The following HOMER2 variants were observed in gnomAD, a reference collection of about 807,000 sequenced individuals.
HOMER2 encodes homer protein homolog 2.
In HOMER2, 27 loss-of-function variants were observed where a neutral mutation model predicts 47.0. The ratio of observed to expected loss-of-function variants is 0.57; its 90% CI spans 0.42 to 0.79. The LOEUF is 0.79. HOMER2 is among the 30% of genes least tolerant of loss of function. The probability of loss-of-function intolerance (pLI) is 0.00; values close to 1 mark genes in which losing one functional copy is unlikely to be tolerated. For synonymous variants in HOMER2, 161 were observed against 163.8 expected (o/e 0.98, Z 0.13); for missense variants, 443 against 435.0 (o/e 1.02, Z -0.16).
chr15:82,942,427 T>C (rs1449915080), intron 1 of HOMER2, among the ~76,000 whole-genome samples: 1 of 152,178 alleles, frequency 6.6e-6, no homozygotes, highest in Non-Finnish European at 1.5e-5. Flanking sequence ...ACCCTGAAAC[T>C]ACTGACTAGT....
At chr15:82,938,775 ACACTCC>A (rs1288443995) in intron 1 of HOMER2, among the ~76,000 whole-genome samples, 1 of 152,050 alleles carries the variant, frequency 6.6e-6, no homozygotes, top group Non-Finnish European at 1.5e-5. Context: ...CAGTGCCCTA[ACACTCC>A]CACTCCCACA....
chr15:82,871,394 T>C (rs2052171839), intron 3 of HOMER2, among the ~76,000 whole-genome samples: 1 of 152,206 alleles, frequency 6.6e-6, no homozygotes, highest in South Asian at 2.1e-4. Context: ...CTGTGGGTGG[T>C]TGCTCTGGGA....
downstream of HOMER2, chr15:82,835,096 T>A (rs1444495749): frequency 1.3e-5 from 2 of 151,602 alleles, no homozygotes; most frequent in Non-Finnish European, 2.9e-5. Flanking sequence ...AAGTCCTGAT[T>A]GATATAGAAC....
chr15:82,848,178 T>C (rs1383297503), downstream of HOMER2, among the ~76,000 whole-genome samples: 1 of 152,144 alleles, frequency 6.6e-6, no homozygotes, highest in Non-Finnish European at 1.5e-5. Flanking sequence ...GCAGGAGGAC[T>C]CGTGTTCACC....
At chr15:82,930,648 G>A (rs990769101) in intron 1 of HOMER2, among the ~76,000 whole-genome samples, 1 of 152,240 alleles carries the variant, frequency 6.6e-6, no homozygotes, top group Non-Finnish European at 1.5e-5. Context: ...CAGTCATGTG[G>A]CAGTGGAGGG....
At chr15:82,923,698 G>A (rs74632889) in intron 1 of HOMER2, among the ~76,000 whole-genome samples, 1,984 of 152,282 alleles carry the variant, frequency 0.013, 15 homozygotes, top group Non-Finnish European at 0.019. Flanking sequence ...ATGCACGCAT[G>A]CAAGTGTGCA....
chr15:82,945,320 G>A (rs1269568265), intron 1 of HOMER2, among the ~76,000 whole-genome samples: 5 of 152,066 alleles, frequency 3.3e-5, no homozygotes, highest in Non-Finnish European at 7.4e-5. Flanking sequence ...AGAAGTAGGT[G>A]TGGATTTAAA....
intron 1 of HOMER2, among the ~76,000 whole-genome samples, chr15:82,933,782 A>G (rs1477028866): frequency 2.0e-5 from 3 of 152,174 alleles, no homozygotes; most frequent in African/African-American, 7.2e-5. Context: ...CCACATCACC[A>G]GGGCTGACTC....
chr15:82,836,226 G>A (rs964511408), downstream of HOMER2: 4 of 152,212 alleles, frequency 2.6e-5, no homozygotes, highest in Admixed American at 6.5e-5. Flanking sequence ...TTGGCTTCAG[G>A]GAATTCAGAG....
chr15:82,859,248 G>C (rs557703771), intron 4 of HOMER2, 113 bp from the exon 5 acceptor site: 1 of 1,495,968 alleles, frequency 6.7e-7, no homozygotes, highest in South Asian at 1.2e-5. Flanking sequence ...GAAACTTTAC[G>C]AGTGTGGACG....
intron 6 of HOMER2, among the ~76,000 whole-genome samples, chr15:82,853,877 A>G (rs2051478990): frequency 6.6e-6 from 1 of 152,148 alleles, no homozygotes; most frequent in Admixed American, 6.5e-5. Flanking sequence ...TCCTTTTCTC[A>G]ACTCCAAATT....
intron 1 of HOMER2, among the ~76,000 whole-genome samples, chr15:82,981,393 T>C (rs930578560): frequency 2.0e-5 from 3 of 152,222 alleles, no homozygotes; most frequent in Non-Finnish European, 4.4e-5. Flanking sequence ...AAGTTATGAG[T>C]AATTGTGCAC....
chr15:82,897,223 G>A (rs555142724), intron 1 of HOMER2, among the ~76,000 whole-genome samples: 57 of 151,778 alleles, frequency 3.8e-4, no homozygotes, highest in African/African-American at 1.4e-3. Flanking sequence ...CTGCCACCAC[G>A]CCCAGCTAAT....
intron 2 of HOMER2, among the ~76,000 whole-genome samples, chr15:82,881,010 GGA>G (rs1479049310): frequency 6.6e-6 from 1 of 152,208 alleles, no homozygotes; most frequent in Non-Finnish European, 1.5e-5. Context: ...GTTTACCCCT[GGA>G]GAGAGGGGAG....
intron 1 of HOMER2, among the ~76,000 whole-genome samples, chr15:82,983,823 C>G (rs2030480907): frequency 6.6e-6 from 1 of 151,852 alleles, no homozygotes; most frequent in Non-Finnish European, 1.5e-5. Context: ...AACTCCTGAC[C>G]TCAAGTGATC....
Position 82,893,335 on chromosome 15 carries a change from T to C in HOMER2, c.6-494A>G, listed in dbSNP as rs539897137. 2.0e-3 allele frequency among the ~76,000 whole-genome samples: 291 copies of C among 148,934 alleles called. 3 individuals carry two copies. Among genetic ancestry groups the C allele is most frequent in the African/African-American group, 6.8e-3 (275 of 40,510 alleles). Reference sequence around the variant, plus strand: ...ATGAATGACATAATTTTATCTTTTTTTTTTTTTTTTTTTTGGATATAGAGT... The same window carrying C: ...ATGAATGACATAATTTTATCTTTTTCTTTTTTTTTTTTTTGGATATAGAGT... On this transcript the variant is annotated intron_variant, in intron 1 of 8. Transcript: ENST00000450735.
intron 1 of HOMER2, among the ~76,000 whole-genome samples, chr15:82,925,117 C>G (rs535017772): frequency 6.6e-6 from 1 of 152,208 alleles, no homozygotes; most frequent in African/African-American, 2.4e-5. Flanking sequence ...AGGAATGATT[C>G]AGAAATCCCA....
At chr15:82,955,595 G>C (rs1174427185), upstream of HOMER2, among the ~76,000 whole-genome samples, 1 of 152,024 alleles carries the variant, frequency 6.6e-6, no homozygotes, top group East Asian at 1.9e-4. Context: ...AACCATAAAA[G>C]GTCAGTTCTT....
chr15:82,870,038 A>T (rs1047812278), intron 3 of HOMER2, among the ~76,000 whole-genome samples: 22 of 152,238 alleles, frequency 1.4e-4, no homozygotes, highest in African/African-American at 5.1e-4. Context: ...TACTTATTAA[A>T]ATTGTGGTAA....
Sources: gnomAD v4.1 joint callset for allele counts (sites outside exome capture counted in the v4.1 genomes callset) on GRCh38, gnomAD v4.1.1 for gene constraint, MANE v1.5 for transcripts, NCBI Gene and HGNC (gene_info 2026-07-23, HGNC 2026-07-21) for gene names.